Variants in UBE3A observed in about 807,000 individuals in gnomAD.
UBE3A encodes the protein ubiquitin protein ligase E3A.
A neutral mutation model predicts 83.4 loss-of-function variants in UBE3A; 6 were observed. The ratio of observed to expected loss-of-function variants is 0.07; its 90% confidence interval spans 0.04 to 0.14. The LOEUF is 0.14. Ranked by LOEUF, UBE3A falls within the 10% of genes least tolerant of loss-of-function variation. The probability of loss-of-function intolerance (pLI) is 1.00; values close to 1 mark genes in which losing one functional copy is unlikely to be tolerated. For synonymous variants in UBE3A, 337 were observed against 355.4 expected (o/e 0.95, Z 0.58); for missense variants, 456 against 1,036.1 (o/e 0.44, Z 7.69).
At chr15:25,408,608 A>G (rs771689734) in intron 3 of UBE3A, 3 of 1,613,902 alleles carry the variant, frequency 1.9e-6, no homozygotes, top group South Asian at 1.1e-5. Context: ...GCAAATTCAA[A>G]TGGTGGCTCA....
chr15:25,392,246 T>C (rs1275261459), intron 4 of UBE3A, among the ~76,000 whole-genome samples: 3 of 152,174 alleles, frequency 2.0e-5, no homozygotes, highest in Non-Finnish European at 1.5e-5. Context: ...GGTCATCACT[T>C]TTCACTACTT....
Position 25,337,887 on chromosome 15 carries a change from C to T in UBE3A, c.*1250G>A, listed in dbSNP as rs1438033703. 6.6e-6 allele frequency: 1 copy of T among 152,126 alleles called. No individual in the cohort carries two copies. Among genetic ancestry groups the T allele is most frequent in the East Asian group, 1.9e-4 (1 of 5,196 alleles). The allele number at this position is 152,126 out of a possible 1,614,324, so 9.4% of individuals were successfully genotyped here. A position where few individuals can be genotyped will look rare whatever the true frequency, so the allele number is the denominator to read the frequency against. On this transcript the variant is annotated 3_prime_UTR_variant, in exon 13 of 13. Transcript: ENST00000648336. The stretch of plus-strand genomic sequence containing the variant: ...TACTTCTGGAAATCAGTAATGTAAA[C>T]CTACTTGTACTTTTCCATAGTACAT...
chr15:25,385,097 T>C (rs1464078410), intron 4 of UBE3A, among the ~76,000 whole-genome samples: 1 of 151,982 alleles, frequency 6.6e-6, no homozygotes, highest in Non-Finnish European at 1.5e-5. Flanking sequence ...AAAGCAAAAA[T>C]AGACAAACTG....
chr15:25,364,293 A>G (rs1471072045), intron 6 of UBE3A, among the ~76,000 whole-genome samples: 1 of 152,138 alleles, frequency 6.6e-6, no homozygotes, highest in Non-Finnish European at 1.5e-5. Context: ...AACACATAAA[A>G]TTTAGCAATA....
rs1387529325 is a variant in UBE3A, at chr15:25,438,761, C to T, written c.-437G>A. On this transcript the variant is annotated 5_prime_UTR_variant, in exon 1 of 13. Coordinates refer to ENST00000648336, the MANE Select transcript of UBE3A (RefSeq NM_130839.5). ...CAGGGGCTACAGGCCGCGAGCTATT[C>T]CGAGGAGGAGCCGAAGGAGGCGCCG... 7.9e-5 allele frequency: 12 copies of T among 152,460 alleles called. No individual in the cohort carries two copies. Among genetic ancestry groups the T allele is most frequent in the African/African-American group, 2.9e-4 (12 of 41,462 alleles). 9.4% of individuals were successfully genotyped at this position (152,460 alleles called of 1,614,324 possible). A position where few individuals can be genotyped will look rare whatever the true frequency, so the allele number is the denominator to read the frequency against.
intron 4 of UBE3A, among the ~76,000 whole-genome samples, chr15:25,386,415 A>C (rs2083147952): frequency 6.6e-6 from 1 of 152,224 alleles, no homozygotes; most frequent in Non-Finnish European, 1.5e-5. Flanking sequence ...AATCTAAAAC[A>C]ACTATGATTA....
At chr15:25,347,558 G>A (rs908309897) in intron 11 of UBE3A, among the ~76,000 whole-genome samples, 1 of 152,118 alleles carries the variant, frequency 6.6e-6, no homozygotes, top group African/African-American at 2.4e-5. Flanking sequence ...AAATTAGCCA[G>A]GTGTGGTGGC....
intron 3 of UBE3A, chr15:25,408,571 C>A: frequency 1.2e-6 from 2 of 1,612,774 alleles, no homozygotes; most frequent in South Asian, 1.1e-5. Flanking sequence ...AAAACACCCA[C>A]TAATCTGAAT....
chr15:25,336,319 G>A lies in UBE3A; in HGVS notation c.*2818C>T, dbSNP rs2073958851. The A allele has an allele frequency of 6.6e-6, 1 of 152,082 alleles. No individual in the cohort carries two copies. The highest frequency in any genetic ancestry group is 1.5e-5 in the Non-Finnish European group (1 of 68,018). 9.4% of individuals were successfully genotyped at this position (152,082 alleles called of 1,614,324 possible). Reference sequence around the variant, plus strand: ...TACAGTAAGCAGGTAAAGGGATCAAGACTACACAGGGACTAGTCTTGGGAC... The same window carrying A: ...TACAGTAAGCAGGTAAAGGGATCAAAACTACACAGGGACTAGTCTTGGGAC... On this transcript the variant is annotated 3_prime_UTR_variant, in exon 13 of 13. Transcript: ENST00000648336.
In UBE3A at chr15:25,338,048, T is replaced by C. The variant is rs2074107614; in HGVS notation, c.*1089A>G. 1 of 152,164 alleles carries C rather than the reference T, an allele frequency of 6.6e-6. No homozygotes were observed. The highest frequency in any genetic ancestry group is 6.5e-5 in the Admixed American group (1 of 15,268). 9.4% of individuals were successfully genotyped at this position (152,164 alleles called of 1,614,324 possible). On this transcript the variant is annotated 3_prime_UTR_variant, in exon 13 of 13. Transcript: ENST00000648336. ...TATGATTAAGTAACACAAGGCACAG[T>C]AGCCATCTTTTTCATTATGTTGCAA...
At position 25,395,371 on chromosome 15, in the gene UBE3A, G is replaced by A. The variant is rs1003084339; in HGVS notation, c.62+10090C>T. ...TACACTGTAAAGCACAAGACTCCTGGGAAACAATTTCTTTCTTTTGCCAAA... is the reference window on the plus strand; with the variant it reads ...TACACTGTAAAGCACAAGACTCCTGAGAAACAATTTCTTTCTTTTGCCAAA... On this transcript the variant is annotated intron_variant, in intron 4 of 12. Transcript: ENST00000648336. 4.6e-5 allele frequency among the ~76,000 whole-genome samples: 7 copies of A among 152,098 alleles called. No individual in the cohort carries two copies. The East Asian group carries it at 1.3e-3, about 29-fold the overall frequency.
chr15:25,377,902 AAAGT>A (rs1396392382), intron 4 of UBE3A, among the ~76,000 whole-genome samples: 3 of 152,194 alleles, frequency 2.0e-5, no homozygotes, highest in African/African-American at 7.2e-5. Context: ...AGTCAGTTAA[AAAGT>A]AGCAGGTGTA....
At chr15:25,380,172 G>C (rs550629983) in intron 4 of UBE3A, among the ~76,000 whole-genome samples, 1 of 152,032 alleles carries the variant, frequency 6.6e-6, no homozygotes, top group South Asian at 2.1e-4. Context: ...TGCAAGAAGT[G>C]TCTTTCACCT....
chr15:25,371,527 T>C lies in UBE3A; in HGVS notation c.647A>G (p.Gln216Arg), dbSNP rs144950303. The C allele has an allele frequency of 6.2e-7, 1 of 1,614,174 alleles. No homozygotes were observed. Among genetic ancestry groups the C allele is most frequent in the East Asian group, 2.2e-5 (1 of 44,874 alleles). Residue 216 changes from glutamine (Q) to arginine (R), a missense_variant, in exon 6 of 13, where the codon CAG becomes CGG. By Grantham distance (43) the Gln-to-Arg change is conservative. Coordinates refer to ENST00000648336, the MANE Select transcript of UBE3A (RefSeq NM_130839.5). The surrounding 1 kb of genome is among the most constrained non-coding windows in gnomAD (Gnocchi z 5.3). ...ASSSRIGDSS[Q>R]GDNNLQKLGP... The stretch of plus-strand genomic sequence containing the variant: ...TAATTTTTGCAAATTGTTGTCTCCC[T>C]GTGAGCTATCACCTATCCTTGAGGA...
chr15:25,387,290 G>C (rs2083328737), intron 4 of UBE3A, among the ~76,000 whole-genome samples: 1 of 152,298 alleles, frequency 6.6e-6, no homozygotes. Flanking sequence ...GGGAGGCTGA[G>C]GCGGGTGGAT....
At chr15:25,420,990 T>C (rs1231953835) in intron 1 of UBE3A, among the ~76,000 whole-genome samples, 8 of 152,228 alleles carry the variant, frequency 5.3e-5, no homozygotes, top group African/African-American at 1.9e-4. Context: ...GAATCAAATT[T>C]GGATACATGC....
At chr15:25,405,588 G>C (rs2088324245) in intron 3 of UBE3A, 86 bp from the exon 4 acceptor site, 1 of 1,408,936 alleles carries the variant, frequency 7.1e-7, no homozygotes, top group Admixed American at 1.7e-5. Context: ...AGACAATTTT[G>C]TAAACAAGAT....
chr15:25,433,573 G>A (rs767688005), intron 1 of UBE3A, among the ~76,000 whole-genome samples: 1 of 152,088 alleles, frequency 6.6e-6, no homozygotes, highest in Non-Finnish European at 1.5e-5. Context: ...ACTTTCATTT[G>A]ACAAAAGAAG....
intron 4 of UBE3A, among the ~76,000 whole-genome samples, chr15:25,378,650 G>A (rs1454284659): frequency 6.6e-6 from 1 of 152,116 alleles, no homozygotes; most frequent in African/African-American, 2.4e-5. Context: ...GAGTCCAGGA[G>A]TCTTTCAGCT....
Sources: allele counts gnomAD v4.1 joint callset (sites outside exome capture counted in the v4.1 genomes callset), GRCh38; gene constraint gnomAD v4.1.1; non-coding constraint Gnocchi (gnomAD v3.1); transcripts MANE v1.5; gene names NCBI Gene and HGNC (gene_info 2026-07-23, HGNC 2026-07-21).